STT3A: variants seen among roughly 807,000 people sequenced by gnomAD.
STT3A encodes the protein dolichyl-diphosphooligosaccharide--protein glycosyltransferase subunit STT3A.
Under a neutral mutation model 89.2 loss-of-function variants are expected in STT3A, and 34 were observed. The ratio of observed to expected loss-of-function variants is 0.38; its 90% CI spans 0.29 to 0.51. STT3A has a LOEUF of 0.51. Among genes scored for constraint, STT3A ranks in the 20% least tolerant of loss-of-function variants. The pLI is 0.89. For missense variants in STT3A, 555 were observed against 889.5 expected (o/e 0.62, Z 4.78); for synonymous variants, 282 against 310.3 (o/e 0.91, Z 0.96).
At chr11:125,612,949 GT>G in intron 12 of STT3A, 39 bp from the exon 13 acceptor site, 1 of 1,605,812 alleles carries the variant, frequency 6.2e-7, no homozygotes, top group Non-Finnish European at 8.5e-7. Flanking sequence ...TGTGAATTTA[GT>G]TTGGTTAACT....
chr11:125,611,712 A>G (rs1318965113), intron 11 of STT3A, among the ~76,000 whole-genome samples, 193 bp downstream of exon 11: 2 of 152,126 alleles, frequency 1.3e-5, no homozygotes, highest in East Asian at 1.9e-4. Context: ...GTGGGGTCCA[A>G]CTTTCTTGGA....
At position 125,612,793 on chromosome 11, in the gene STT3A, G is replaced by C. The variant is rs566261311; in HGVS notation, c.1365+46G>C. The C allele has an allele frequency of 1.9e-6, 3 of 1,592,620 alleles. No individual in the cohort carries two copies. In the Admixed American group the frequency reaches 5.1e-5, roughly 27 times the overall value. On this transcript the variant is annotated intron_variant, in intron 12 of 17. Transcript: ENST00000392708. ...TAGACTTGGGAAACTCTGTGTGTGT[G>C]TGTGTATGTGTGTATGTGGGCAGCG...
chr11:125,613,011 T>G lies in STT3A; in HGVS notation c.1388T>G (p.Val463Gly), dbSNP rs1265403837. 6.2e-7 allele frequency: 1 copy of G among 1,614,190 alleles called. No homozygotes were observed. Among genetic ancestry groups the G allele is most frequent in the Non-Finnish European group, 8.5e-7 (1 of 1,180,034 alleles). ...TAGGTGGCAAGTGGGATGATACTGG[T>G]CATGGCTTTCTTTCTCATCACCTAC... ...KNEVASGMIL[V>G]MAFFLITYTF... Residue 463 changes from valine to glycine, a missense_variant, in exon 13 of 18, where the codon GTC (valine) becomes GGC (glycine). Around this residue, in one of 5 missense-constraint regions of STT3A, gnomAD observed 273 missense variants for 449.8 expected, o/e 0.61. Coordinates refer to ENST00000392708, the MANE Select transcript of STT3A (RefSeq NM_152713.5). The surrounding 1 kb of genome is among the most constrained non-coding windows in gnomAD (Gnocchi z 4.2).
intron 9 of STT3A, 72 bp from the exon 10 acceptor site, chr11:125,609,362 G>A: frequency 1.4e-6 from 2 of 1,473,904 alleles, no homozygotes; most frequent in Non-Finnish European, 1.8e-6. Context: ...AAAATGGGAA[G>A]TTGTGATTCA....
chr11:125,620,373 C>T (rs1382923910), intron 17 of STT3A, among the ~76,000 whole-genome samples: 1 of 152,140 alleles, frequency 6.6e-6, no homozygotes, highest in Non-Finnish European at 1.5e-5. Context: ...CTTGACTAAA[C>T]CAGTTTCTGT....
At chr11:125,618,351 TC>T in intron 15 of STT3A, 21 bp from the exon 16 acceptor site, 1 of 1,557,464 alleles carries the variant, frequency 6.4e-7, no homozygotes, top group East Asian at 2.3e-5. Context: ...ATGCAGCAGT[TC>T]TTTTTTTTTT....
chr11:125,604,309 A>G lies in STT3A; in HGVS notation c.508+62A>G, dbSNP rs111264791. 1.3e-5 allele frequency: 20 copies of G among 1,531,418 alleles called. 1 individual carries two copies. In the African/African-American group the frequency reaches 1.6e-4, roughly 13 times the overall value. The allele number at this position is 1,531,418 out of a possible 1,614,324, so 94.9% of individuals were successfully genotyped here. A position where few individuals can be genotyped will look rare whatever the true frequency, so the allele number is the denominator to read the frequency against. On this transcript the variant is annotated intron_variant, in intron 6 of 17. Transcript: ENST00000392708. ...CTCATTATCCAACAGAGCTTCACAA[A>G]GTGCAGTCTATGGTTTAGCAATAAT...
chr11:125,620,161 T>C, intron 17 of STT3A, 35 bp downstream of exon 17: 4 of 1,553,422 alleles, frequency 2.6e-6, no homozygotes, highest in Non-Finnish European at 3.5e-6. Context: ...AAAGCAACTT[T>C]TATTTTTGGA....
chr11:125,606,579 A>G (rs955693983), intron 8 of STT3A, 114 bp downstream of exon 8: 2 of 1,176,956 alleles, frequency 1.7e-6, no homozygotes, highest in South Asian at 3.6e-5. Flanking sequence ...CAGCCTTTAT[A>G]TTGAACTACT....
chr11:125,599,990 A>G (rs931513006), intron 3 of STT3A, among the ~76,000 whole-genome samples: 12 of 151,458 alleles, frequency 7.9e-5, no homozygotes, highest in African/African-American at 2.9e-4. Flanking sequence ...CTGCCTCCCA[A>G]AGTGCTGGGA....
intron 3 of STT3A, among the ~76,000 whole-genome samples, chr11:125,601,067 A>G (rs1007506441): frequency 6.6e-6 from 1 of 152,198 alleles, no homozygotes; most frequent in Non-Finnish European, 1.5e-5. Flanking sequence ...GCTTACAGGC[A>G]TGAGCTGCCA....
At chr11:125,617,638 T>C (rs1940216359) in intron 15 of STT3A, among the ~76,000 whole-genome samples, 1 of 152,186 alleles carries the variant, frequency 6.6e-6, no homozygotes, top group South Asian at 2.1e-4. Flanking sequence ...AGCATGGGAG[T>C]GTGTTTGACA....
chr11:125,603,510 G>T (rs892096242), intron 5 of STT3A: 4 of 153,654 alleles, frequency 2.6e-5, no homozygotes, highest in African/African-American at 9.7e-5. Flanking sequence ...AAACTAGTAG[G>T]GGGTTTGGGA....
chr11:125,599,365 A>G (rs1488071433), intron 3 of STT3A, among the ~76,000 whole-genome samples: 1 of 152,200 alleles, frequency 6.6e-6, no homozygotes, highest in Non-Finnish European at 1.5e-5. Flanking sequence ...ATGATTATCC[A>G]TAGTAATTAA....
rs1591378885 is a variant in STT3A at position 125,612,696 on chromosome 11, A to C, written c.1314A>C (p.Pro438=). ...TGAAGAATCTGGACATAAGTCGTCC[A>C]GACAAGAAGAGCAAGAAGCAACAGG... ...TYMKNLDISR[P]DKKSKKQQDS... is the part of the protein sequence containing the mutation. Residue 438 remains proline (P), a synonymous_variant, in exon 12 of 18, where the codon CCA becomes CCC. Coordinates refer to ENST00000392708, the MANE Select transcript of STT3A (RefSeq NM_152713.5). 3 of 1,614,208 alleles carry C rather than the reference A, an allele frequency of 1.9e-6. No individual in the cohort carries two copies. The highest frequency in any genetic ancestry group is 2.2e-5 in the East Asian group (1 of 44,884).
In STT3A at chr11:125,602,345, G is replaced by T; in HGVS notation, c.192G>T (p.Gly64=). 2.5e-6 allele frequency: 4 copies of T among 1,613,740 alleles called. No homozygotes were observed. The highest frequency in any genetic ancestry group is 3.4e-6 in the Non-Finnish European group (4 of 1,179,932). Residue 64 remains glycine (G), a synonymous_variant, in exon 4 of 18, where the codon GGG becomes GGT. Transcript: ENST00000392708. ...CTACCAGGTTCCTGGCTGAGGAGGG[G>T]TTTTATAAATTCCATAACTGGTTTG... ...YRTTRFLAEE[G]FYKFHNWFDD...
intron 16 of STT3A, 85 bp from the exon 17 acceptor site, chr11:125,619,926 G>T: frequency 8.8e-7 from 1 of 1,136,154 alleles, no homozygotes; most frequent in South Asian, 1.5e-5. Flanking sequence ...TCATCAATTA[G>T]TAGATGGTTT....
chr11:125,592,745 C>T (rs1291680901), upstream of STT3A: 5 of 293,474 alleles, frequency 1.7e-5, no homozygotes, highest in Admixed American at 4.5e-5. Flanking sequence ...GTTTACGCCT[C>T]CGGATTTGAC....
intron 2 of STT3A, 109 bp downstream of exon 2, chr11:125,596,112 A>AC (rs1443710303): frequency 2.3e-6 from 2 of 855,086 alleles, no homozygotes. Flanking sequence ...GCAGATTGTT[A>AC]CATTTTTCCA....
Sources: gnomAD v4.1 joint callset for allele counts (sites outside exome capture counted in the v4.1 genomes callset) on GRCh38, gnomAD v4.1.1 for gene constraint, gnomAD v4.1.1 regional missense constraint, Gnocchi (gnomAD v3.1) non-coding constraint, MANE v1.5 for transcripts, NCBI Gene and HGNC (gene_info 2026-07-23, HGNC 2026-07-21) for gene names.